PIWIL4: variants seen among roughly 807,000 people sequenced by gnomAD.
PIWIL4 encodes piwi like RNA-mediated gene silencing 4.
A neutral mutation model predicts 100.9 loss-of-function variants in PIWIL4; 50 were observed. The ratio of observed to expected loss-of-function variants is 0.50; its 90% confidence interval spans 0.39 to 0.63. The LOEUF is 0.63. Among genes scored for constraint, PIWIL4 ranks in the 20% least tolerant of loss-of-function variants. The pLI is 0.00. For missense variants in PIWIL4, 887 were observed against 1,043.3 expected (o/e 0.85, Z 2.06); for synonymous variants, 342 against 367.5 (o/e 0.93, Z 0.79).
intron 16 of PIWIL4, among the ~76,000 whole-genome samples, chr11:94,617,142 TG>T (rs1288282713): frequency 1.3e-5 from 2 of 152,222 alleles, no homozygotes; most frequent in Non-Finnish European, 2.9e-5. Context: ...TCTGTAAATT[TG>T]GGAGTATTGT....
intron 5 of PIWIL4, among the ~76,000 whole-genome samples, chr11:94,584,841 G>T (rs1268981393): frequency 6.6e-6 from 1 of 152,178 alleles, no homozygotes; most frequent in East Asian, 1.9e-4. Flanking sequence ...GAGGCGGGCA[G>T]ATCACCTGAG....
intron 2 of PIWIL4, among the ~76,000 whole-genome samples, chr11:94,572,442 A>T (rs1948170279): frequency 1.3e-5 from 2 of 152,194 alleles, no homozygotes; most frequent in Non-Finnish European, 2.9e-5. Flanking sequence ...TAAGTCTTTA[A>T]TCCATCTTGA....
At chr11:94,577,597 G>T in intron 4 of PIWIL4, 105 bp downstream of exon 4, 1 of 917,598 alleles carries the variant, frequency 1.1e-6, no homozygotes. Context: ...CAAAAGGTTT[G>T]TGGAAAAATA....
rs1415190065 is a variant in PIWIL4, at chr11:94,616,490, T to C, written c.1944-3T>C. ...TTACTTTTATTTTTTTTTTTAACTTTAGGTGGTTTTCCCGCTGTATCCTTC... is the reference window on the plus strand; with the variant it reads ...TTACTTTTATTTTTTTTTTTAACTTCAGGTGGTTTTCCCGCTGTATCCTTC... On this transcript the variant is annotated splice_region_variant and splice_polypyrimidine_tract_variant and intron_variant, in intron 15 of 19. Coordinates refer to ENST00000299001, the MANE Select transcript of PIWIL4 (RefSeq NM_152431.3). 2.5e-6 allele frequency: 4 copies of C among 1,592,420 alleles called. No individual in the cohort carries two copies. The highest frequency in any genetic ancestry group is 2.2e-5 in the East Asian group (1 of 44,672).
chr11:94,619,215 G>A (rs1330052226), intron 17 of PIWIL4, among the ~76,000 whole-genome samples: 2 of 152,072 alleles, frequency 1.3e-5, no homozygotes, highest in East Asian at 1.9e-4. Context: ...TTAGGATTTC[G>A]CCTTGGCTTT....
intron 5 of PIWIL4, among the ~76,000 whole-genome samples, chr11:94,585,217 C>T (rs1244783986): frequency 1.3e-5 from 2 of 152,158 alleles, no homozygotes; most frequent in Admixed American, 1.3e-4. Flanking sequence ...GCAGCTAAAC[C>T]CAGACAGATA....
At position 94,608,333 on chromosome 11, in the gene PIWIL4, A is replaced by T. The variant is rs1053051923; in HGVS notation, c.1840-250A>T. The stretch of plus-strand genomic sequence containing the variant: ...CACTGGTGCCCCTTCCCCACCCCAC[A>T]AAGGATGATGGTTATCTTGGACGGT... On this transcript the variant is annotated intron_variant, in intron 14 of 19. Transcript: ENST00000299001. 57 of 379,782 alleles carry T rather than the reference A, an allele frequency of 1.5e-4. 1 individual carries two copies. The East Asian group carries it at 2.7e-3, about 18-fold the overall frequency. The allele number at this position is 379,782 out of a possible 1,614,324, so 23.5% of individuals were successfully genotyped here. A position where few individuals can be genotyped will look rare whatever the true frequency, so the allele number is the denominator to read the frequency against.
intron 16 of PIWIL4, 77 bp downstream of exon 16, chr11:94,616,640 C>A: frequency 8.4e-7 from 1 of 1,195,708 alleles, no homozygotes. Flanking sequence ...TTATAGAAGA[C>A]CACATAGGTC....
chr11:94,568,750 T>G lies in PIWIL4; in HGVS notation c.108T>G (p.Ser36Arg). The G allele has an allele frequency of 3.1e-6, 5 of 1,608,492 alleles. No homozygotes were observed. The highest frequency in any genetic ancestry group is 4.3e-6 in the Non-Finnish European group (5 of 1,174,878). The change falls in exon 2 of 20, where the codon AGT becomes AGG. Residue 36 changes from serine (S) to arginine (R), a missense_variant. Transcript: ENST00000299001. ...TTTAGCCTAGATCTGTTGATCTTAGTAACAATGAAGCATCCTCTAGCAATG... is the reference window on the plus strand; with the variant it reads ...TTTAGCCTAGATCTGTTGATCTTAGGAACAATGAAGCATCCTCTAGCAATG... Reference protein sequence around the residue: ...ASPLPRSVDLSNNEASSSNGF... With the variant: ...ASPLPRSVDLRNNEASSSNGF...
chr11:94,568,736 T>G lies in PIWIL4; in HGVS notation c.94T>G (p.Ser32Ala). ...GRIQASPLPRSVDLSNNEASS... is the reference protein window; with the variant it reads ...GRIQASPLPRAVDLSNNEASS... ...CTTTTTTTTGCCATTTTAGCCTAGA[T>G]CTGTTGATCTTAGTAACAATGAAGC... is the stretch of plus-strand genomic sequence containing the variant. Residue 32 changes from serine to alanine, a missense_variant, in exon 2 of 20, where the codon TCT becomes GCT. This residue lies in a region of PIWIL4 where 146 missense variants were observed against 113.4 expected (regional missense o/e 1.29). Transcript: ENST00000299001. 1 of 1,603,660 alleles carries G rather than the reference T, an allele frequency of 6.2e-7. No homozygotes were observed. Among genetic ancestry groups the G allele is most frequent in the Non-Finnish European group, 8.5e-7 (1 of 1,170,508 alleles).
Position 94,618,021 on chromosome 11 carries a change from T to C in PIWIL4, c.2082T>C (p.Gly694=), listed in dbSNP as rs1591807819. The change falls in exon 17 of 20, where the codon GGT becomes GGC. Residue 694 remains glycine (G), a synonymous_variant. Transcript: ENST00000299001. ...CACGGATAATTGTGTACCGTGCTGG[T>C]GTAGGGGATGGTCAGCTGAAAACAC... is the stretch of plus-strand genomic sequence containing the variant. ...LPARIIVYRA[G]VGDGQLKTLI... is the part of the protein sequence containing the mutation. The C allele has an allele frequency of 6.2e-7, 1 of 1,610,856 alleles. No individual in the cohort carries two copies. The highest frequency in any genetic ancestry group is 1.3e-5 in the African/African-American group (1 of 74,932).
chr11:94,583,560 T>C lies in PIWIL4; in HGVS notation c.626T>C (p.Ile209Thr), dbSNP rs1205663886. 3 of 1,614,016 alleles carry C rather than the reference T, an allele frequency of 1.9e-6. No individual in the cohort carries two copies. In the East Asian group the frequency reaches 6.7e-5, roughly 36 times the overall value. The change falls in exon 5 of 20, where the codon ATC becomes ACC. Residue 209 changes from isoleucine to threonine, a missense_variant. Ile to Thr is a moderately conservative substitution (Grantham distance 89). This residue lies in a region of PIWIL4 where 741 missense variants were observed against 930.0 expected (regional missense o/e 0.80). Coordinates refer to ENST00000299001, the MANE Select transcript of PIWIL4 (RefSeq NM_152431.3). Reference sequence around the variant, plus strand: ...GTGTGCATCCAGGTCTTCAATATCATCTTCAGAAAGTAAGGCACTGGAAAT... The same window carrying C: ...GTGTGCATCCAGGTCTTCAATATCACCTTCAGAAAGTAAGGCACTGGAAAT... ...SPVCIQVFNI[I>T]FRKILKKLSM...
chr11:94,583,044 A>ATGTGTGTGTGTGTGTGTG (rs58072951), intron 4 of PIWIL4, among the ~76,000 whole-genome samples: 4 of 133,796 alleles, frequency 3.0e-5, no homozygotes, highest in African/African-American at 1.1e-4. Context: ...ATATATATAT[A>ATGTGTGTGTGTGTGTGTG]TGTGTGTGTG....
chr11:94,613,545 C>T lies in PIWIL4; in HGVS notation c.1944-2948C>T, dbSNP rs563034266. ...GCCATTATTTCTTGAAATAAGCTTT[C>T]CACCTATCTCTGTTCTCCTTTTGAA... On this transcript the variant is annotated intron_variant, in intron 15 of 19. Transcript: ENST00000299001. 1.3e-4 allele frequency among the ~76,000 whole-genome samples: 20 copies of T among 152,288 alleles called. No individual in the cohort carries two copies. The East Asian group carries it at 2.9e-3, about 22-fold the overall frequency.
At position 94,620,118 on chromosome 11, in the gene PIWIL4, T is replaced by C; in HGVS notation, c.2416T>C (p.Leu806=). Reference sequence around the variant, plus strand: ...CCATATGCAGAGACTTACATTCAAATTGTGCCACCTGTACTACAACTGGCC... The same window carrying C: ...CCATATGCAGAGACTTACATTCAAACTGTGCCACCTGTACTACAACTGGCC... The part of the protein sequence containing the change: ...PDHMQRLTFK[L]CHLYYNWPGI... Residue 806 remains leucine, a synonymous_variant, in exon 19 of 20, where the codon TTG becomes CTG. Transcript: ENST00000299001. The C allele has an allele frequency of 6.2e-7, 1 of 1,608,426 alleles. No individual in the cohort carries two copies. The highest frequency in any genetic ancestry group is 8.5e-7 in the Non-Finnish European group (1 of 1,177,100).
intron 8 of PIWIL4, among the ~76,000 whole-genome samples, chr11:94,592,508 C>G (rs7116331): frequency 0.033 from 4,997 of 152,288 alleles, 286 homozygotes; most frequent in African/African-American, 0.11. Flanking sequence ...AAAGGCTTCT[C>G]CAAACTTTTT....
intron 4 of PIWIL4, among the ~76,000 whole-genome samples, chr11:94,580,651 A>G (rs1269365341): frequency 2.6e-5 from 4 of 152,240 alleles, no homozygotes; most frequent in Non-Finnish European, 4.4e-5. Context: ...TTCTTTACAA[A>G]TAAATACTAT....
chr11:94,595,432 G>A lies in PIWIL4; in HGVS notation c.1268+6G>A, dbSNP rs1339810518. 1 of 1,608,352 alleles carries A rather than the reference G, an allele frequency of 6.2e-7. No individual in the cohort carries two copies. The highest frequency in any genetic ancestry group is 8.5e-7 in the Non-Finnish European group (1 of 1,175,994). ...CTTGTGGACAACATCCAGAGGTACTGGATCACCGCATGCATCCTTCCTGGG... is the reference window on the plus strand; with the variant it reads ...CTTGTGGACAACATCCAGAGGTACTAGATCACCGCATGCATCCTTCCTGGG... On this transcript the variant is annotated splice_donor_region_variant and intron_variant, in intron 10 of 19. Transcript: ENST00000299001.
rs1418378946 is a variant in PIWIL4, at chr11:94,576,568, C to A, written c.299-710C>A. Among the ~76,000 whole-genome samples the A allele has an allele frequency of 3.3e-5, 5 of 152,284 alleles. No individual in the cohort carries two copies. In the East Asian group the frequency reaches 5.8e-4, roughly 18 times the overall value. On this transcript the variant is annotated intron_variant, in intron 3 of 19. Coordinates refer to ENST00000299001, the MANE Select transcript of PIWIL4 (RefSeq NM_152431.3). Reference sequence around the variant, plus strand: ...CATCCTGATCACTAACTGACTATATCGTGGCCATCTCTGATTTTGTCCTAT... The same window carrying A: ...CATCCTGATCACTAACTGACTATATAGTGGCCATCTCTGATTTTGTCCTAT...
Sources: allele counts gnomAD v4.1 joint callset (sites outside exome capture counted in the v4.1 genomes callset), GRCh38; gene constraint gnomAD v4.1.1; regional missense constraint gnomAD v4.1.1; transcripts MANE v1.5; gene names NCBI Gene and HGNC (gene_info 2026-07-23, HGNC 2026-07-21).